The following NAV2 variants were observed in gnomAD, a reference collection of about 807,000 sequenced individuals.
The protein encoded by NAV2 is helicase, APC down-regulated 1.
Under a neutral mutation model 223.2 loss-of-function variants are expected in NAV2, and 54 were observed. That is an observed-to-expected ratio of 0.24 (90% CI 0.19 to 0.30). The LOEUF (loss-of-function observed/expected upper bound fraction) is 0.30. Ranked by LOEUF, NAV2 falls within the 10% of genes least tolerant of loss-of-function variation. The pLI, the probability that NAV2 is intolerant of heterozygous loss-of-function variation, is 1.00. For missense variants in NAV2, 2,806 were observed against 3,147.5 expected (o/e 0.89, Z 2.60); for synonymous variants, 1,279 against 1,239.3 (o/e 1.03, Z -0.67).
intron 11 of NAV2, among the ~76,000 whole-genome samples, chr11:20,015,806 T>C (rs1402482544): frequency 2.0e-5 from 3 of 152,142 alleles, no homozygotes; most frequent in East Asian, 1.9e-4. Flanking sequence ...AGTATCTCAA[T>C]TGGACCAAAC....
intron 1 of NAV2, among the ~76,000 whole-genome samples, chr11:19,419,726 A>G (rs1313257183): frequency 2.0e-5 from 3 of 152,242 alleles, no homozygotes; most frequent in Non-Finnish European, 2.9e-5. Flanking sequence ...AAGGAACATC[A>G]GAGATCCTGC....
intron 1 of NAV2, among the ~76,000 whole-genome samples, chr11:19,658,838 C>T (rs567515267): frequency 6.6e-6 from 1 of 152,290 alleles, no homozygotes; most frequent in South Asian, 2.1e-4. Flanking sequence ...TATTCCAGTA[C>T]ATGACTGATT....
chr11:19,956,365 TACACACACACACACACAC>T (rs113677958), intron 10 of NAV2, among the ~76,000 whole-genome samples: 1 of 103,804 alleles, frequency 9.6e-6, no homozygotes, highest in Non-Finnish European at 1.9e-5. Flanking sequence ...CCGACACACA[TACACACACACACACACAC>T]ACACACACAC....
intron 1 of NAV2, among the ~76,000 whole-genome samples, chr11:19,650,613 C>T (rs927226661): frequency 3.9e-5 from 6 of 152,156 alleles, no homozygotes; most frequent in African/African-American, 1.4e-4. Flanking sequence ...ACACAAAAAA[C>T]TTGTTTATGT....
At chr11:20,082,493 T>C (rs2060152446) in intron 25 of NAV2, 3 of 1,185,484 alleles carry the variant, frequency 2.5e-6, no homozygotes, top group South Asian at 2.4e-5. Flanking sequence ...CCATGTTGTG[T>C]CTGAAAGTCC....
At chr11:19,675,585 T>C (rs2135839579) in intron 1 of NAV2, among the ~76,000 whole-genome samples, 1 of 152,330 alleles carries the variant, frequency 6.6e-6, no homozygotes, top group South Asian at 2.1e-4. Flanking sequence ...AGGTGTTCAA[T>C]AAATACCTGT....
chr11:20,105,054 T>C (rs1219497239), intron 34 of NAV2: 1 of 153,816 alleles, frequency 6.5e-6, no homozygotes, highest in African/African-American at 2.4e-5. Flanking sequence ...CTTCATCATA[T>C]TTCATTTCTT....
At chr11:19,703,488 AG>A (rs1258950947) in intron 1 of NAV2, among the ~76,000 whole-genome samples, 1 of 152,224 alleles carries the variant, frequency 6.6e-6, no homozygotes, top group Non-Finnish European at 1.5e-5. Flanking sequence ...GTGGCCCTGC[AG>A]GAGCAACCGG....
intron 10 of NAV2, among the ~76,000 whole-genome samples, chr11:19,966,726 A>C (rs1018905532): frequency 1.3e-5 from 2 of 152,228 alleles, no homozygotes; most frequent in Non-Finnish European, 2.9e-5. Flanking sequence ...ACATTGATGG[A>C]CATTGATGGT....
At chr11:19,816,159 C>T (rs990264587) in intron 1 of NAV2, among the ~76,000 whole-genome samples, 10 of 152,148 alleles carry the variant, frequency 6.6e-5, no homozygotes, top group African/African-American at 2.4e-4. Context: ...GAGAAGGGCC[C>T]GGGGCACAAC....
At chr11:19,417,071 G>A (rs1323130767) in intron 1 of NAV2, among the ~76,000 whole-genome samples, 2 of 152,300 alleles carry the variant, frequency 1.3e-5, no homozygotes, top group East Asian at 3.9e-4. Flanking sequence ...AAAAGCAATG[G>A]CAAGAAAAGC....
intron 20 of NAV2, among the ~76,000 whole-genome samples, chr11:20,063,682 T>C (rs1237666394): frequency 2.0e-5 from 3 of 152,094 alleles, no homozygotes; most frequent in Admixed American, 2.0e-4. Flanking sequence ...GCTATAGCTG[T>C]ATGCTATTTA....
At chr11:19,620,035 G>A (rs1265523671) in intron 1 of NAV2, among the ~76,000 whole-genome samples, 1 of 152,122 alleles carries the variant, frequency 6.6e-6, no homozygotes, top group Non-Finnish European at 1.5e-5. Context: ...CCCATTTCTT[G>A]TTTTTGTCAG....
At chr11:20,099,587 C>T (rs894913394) in intron 31 of NAV2, among the ~76,000 whole-genome samples, 1 of 152,146 alleles carries the variant, frequency 6.6e-6, no homozygotes, top group Non-Finnish European at 1.5e-5. Flanking sequence ...ACACCTGACT[C>T]TTCTCTTTCC....
chr11:19,684,856 C>CTTGG, intron 1 of NAV2, among the ~76,000 whole-genome samples: 2 of 152,346 alleles, frequency 1.3e-5, no homozygotes, highest in Middle Eastern at 6.8e-3. Context: ...CTCAAGAGCC[C>CTTGG]TTGGTTGGCA....
intron 4 of NAV2, among the ~76,000 whole-genome samples, chr11:19,877,762 G>A (rs527786851): frequency 8.5e-5 from 13 of 152,154 alleles, no homozygotes; most frequent in Middle Eastern, 3.4e-3. Context: ...GTGAGCCACC[G>A]TGCCTGGCCG....
chr11:19,369,728 T>A (rs1848408715), intron 1 of NAV2, among the ~76,000 whole-genome samples: 1 of 152,146 alleles, frequency 6.6e-6, no homozygotes, highest in Non-Finnish European at 1.5e-5. Context: ...GCATACTCTA[T>A]CTGAAAAAGC....
At chr11:19,925,187 G>A (rs999448093) in intron 6 of NAV2, among the ~76,000 whole-genome samples, 12 of 152,130 alleles carry the variant, frequency 7.9e-5, no homozygotes, top group Admixed American at 5.2e-4. Flanking sequence ...TCACTTATCA[G>A]ATATGCGATT....
chr11:19,514,874 G>T (rs543419816), intron 1 of NAV2, among the ~76,000 whole-genome samples: 10 of 152,314 alleles, frequency 6.6e-5, no homozygotes, highest in South Asian at 6.2e-4. Flanking sequence ...AGGGGCATGA[G>T]GAGGAGTTTT....
Sources: allele counts gnomAD v4.1 joint callset (sites outside exome capture counted in the v4.1 genomes callset), GRCh38; gene constraint gnomAD v4.1.1; transcripts MANE v1.5; gene names NCBI Gene and HGNC (gene_info 2026-07-23, HGNC 2026-07-21).